The following GRIP1 variants were observed in gnomAD, a reference collection of about 807,000 sequenced individuals.
GRIP1 encodes the protein glutamate receptor interacting protein 1.
In GRIP1, 45 loss-of-function variants were observed where a neutral mutation model predicts 129.9. That is an observed-to-expected ratio of 0.35 (90% confidence interval 0.27 to 0.44). The LOEUF is 0.44. Among genes scored for constraint, GRIP1 ranks in the 20% least tolerant of loss-of-function variants. The pLI, the probability that GRIP1 is intolerant of heterozygous loss-of-function variation, is 1.00. For missense variants in GRIP1, 1,196 were observed against 1,396.8 expected, an observed-to-expected ratio of 0.86 and a Z score of 2.29; for synonymous variants, 530 against 520.8, an observed-to-expected ratio of 1.02 and a Z score of -0.24.
chr12:66,638,281 A>T, intron 1 of GRIP1, among the ~76,000 whole-genome samples: 1 of 152,204 alleles, frequency 6.6e-6, no homozygotes, highest in East Asian at 1.9e-4. Flanking sequence ...GGTTCTGATG[A>T]TGTTACATAT....
At chr12:66,472,808 T>C (rs2059478191) in intron 7 of GRIP1, among the ~76,000 whole-genome samples, 1 of 152,204 alleles carries the variant, frequency 6.6e-6, no homozygotes, top group Non-Finnish European at 1.5e-5. Context: ...TACTACGCTT[T>C]TCCCATGGTC....
At position 66,657,007 on chromosome 12, in the gene GRIP1, CT is replaced by C. The variant is rs1232687103; in HGVS notation, c.55+21842del. Among the ~76,000 whole-genome samples, 3 of 151,932 alleles carry C rather than the reference CT, an allele frequency of 2.0e-5. No homozygotes were observed. In the East Asian group the frequency reaches 5.8e-4, roughly 29 times the overall value. On this transcript the variant is annotated intron_variant, in intron 1 of 24. Coordinates refer to ENST00000359742, the MANE Select transcript of GRIP1 (RefSeq NM_001366722.1). ...CCAGCCATGATTCTTGTGTAATTTA[CT>C]ATCAGCAAATATTTCCAAAAATTGA...
chr12:66,469,335 T>C (rs1391020222), intron 7 of GRIP1, among the ~76,000 whole-genome samples: 3 of 152,172 alleles, frequency 2.0e-5, no homozygotes, highest in Non-Finnish European at 4.4e-5. Flanking sequence ...GTTAACCAAC[T>C]TTATGAAAAT....
At chr12:66,953,699 C>T (rs1476232768) in intron 1 of GRIP1, among the ~76,000 whole-genome samples, 1 of 151,810 alleles carries the variant, frequency 6.6e-6, no homozygotes, top group African/African-American at 2.4e-5. Flanking sequence ...CCTGTTCTCA[C>T]CAGGGATGAC....
intron 24 of GRIP1, among the ~76,000 whole-genome samples, chr12:66,350,138 T>C (rs1053171588): frequency 1.8e-4 from 28 of 152,214 alleles, no homozygotes; most frequent in South Asian, 1.7e-3. Flanking sequence ...TTCGTTTTGA[T>C]CCTTTTACCA....
At chr12:66,478,589 T>A (rs1436278972) in intron 7 of GRIP1, among the ~76,000 whole-genome samples, 1 of 152,172 alleles carries the variant, frequency 6.6e-6, no homozygotes. Flanking sequence ...GTATGTTTAT[T>A]GCGGCAGTAC....
Position 66,487,759 on chromosome 12 carries a change from C to T in GRIP1, c.725-22337G>A, listed in dbSNP as rs140247197. On this transcript the variant is annotated intron_variant, in intron 7 of 24. Transcript: ENST00000359742. Reference sequence around the variant, plus strand: ...GACCCATCTCATGTGCAAAGACACACGTAGACTGAAAATAAAGGGATGGAG... The same window carrying T: ...GACCCATCTCATGTGCAAAGACACATGTAGACTGAAAATAAAGGGATGGAG... Among the ~76,000 whole-genome samples, 14 of 152,112 alleles carry T rather than the reference C, an allele frequency of 9.2e-5. No individual in the cohort carries two copies. In the South Asian group the frequency reaches 2.5e-3, roughly 27 times the overall value.
chr12:67,022,207 GT>G, intron 1 of GRIP1, among the ~76,000 whole-genome samples: 1 of 152,132 alleles, frequency 6.6e-6, no homozygotes. Flanking sequence ...ATATCCAATG[GT>G]GGGGGTTGCT....
chr12:66,615,101 G>C lies in GRIP1; in HGVS notation c.56-18174C>G, dbSNP rs150633576. Among the ~76,000 whole-genome samples the C allele has an allele frequency of 1.6e-4, 24 of 152,208 alleles. No homozygotes were observed. The East Asian group carries it at 4.3e-3, about 27-fold the overall frequency. On this transcript the variant is annotated intron_variant, in intron 1 of 24. Coordinates refer to ENST00000359742, the MANE Select transcript of GRIP1 (RefSeq NM_001366722.1). The stretch of plus-strand genomic sequence containing the variant: ...CCTTACTAGAGTATAAACTCCATAA[G>C]AGCAGGAGTCTTGTATATTGTCTAT...
chr12:67,068,745 G>A (rs981358494), intron 1 of GRIP1, among the ~76,000 whole-genome samples: 1 of 148,932 alleles, frequency 6.7e-6, no homozygotes, highest in African/African-American at 2.5e-5. Context: ...GTGCGAGCGG[G>A]CCCTGCAGAA....
At chr12:66,674,378 T>C (rs1739515271) in intron 1 of GRIP1, among the ~76,000 whole-genome samples, 1 of 152,222 alleles carries the variant, frequency 6.6e-6, no homozygotes, top group South Asian at 2.1e-4. Context: ...TCAGAATTCC[T>C]TGGATTAAAA....
chr12:66,678,958 G>C lies in GRIP1; in HGVS notation c.-54C>G. 6.2e-7 allele frequency: 1 copy of C among 1,612,214 alleles called. No homozygotes were observed. The highest frequency in any genetic ancestry group is 8.5e-7 in the Non-Finnish European group (1 of 1,178,882). ...GTACTCAAGGCTCTCTGCTCTGGTG[G>C]CTGCAGCAGCAGCAGCATATGAATT... is the stretch of plus-strand genomic sequence containing the variant. On this transcript the variant is annotated 5_prime_UTR_variant, in exon 1 of 25. Coordinates refer to ENST00000359742, the MANE Select transcript of GRIP1 (RefSeq NM_001366722.1).
chr12:66,861,312 C>T (rs2040108371), intron 1 of GRIP1, among the ~76,000 whole-genome samples: 1 of 152,124 alleles, frequency 6.6e-6, no homozygotes, highest in African/African-American at 2.4e-5. Context: ...TTTGCAAAGG[C>T]AACTGTCATC....
intron 1 of GRIP1, among the ~76,000 whole-genome samples, chr12:66,730,889 T>G (rs1226990380): frequency 6.6e-6 from 1 of 152,166 alleles, no homozygotes; most frequent in African/African-American, 2.4e-5. Flanking sequence ...CTTTAATGCC[T>G]GAAACTTTAA....
At chr12:66,374,376 T>C (rs2055682951) in intron 22 of GRIP1, among the ~76,000 whole-genome samples, 1 of 151,972 alleles carries the variant, frequency 6.6e-6, no homozygotes, top group South Asian at 2.1e-4. Context: ...TTAGTAGATA[T>C]GAGGTTTCTC....
intron 1 of GRIP1, among the ~76,000 whole-genome samples, chr12:66,603,356 T>C (rs1220537496): frequency 6.6e-6 from 1 of 152,196 alleles, no homozygotes; most frequent in African/African-American, 2.4e-5. Flanking sequence ...TTTAGGCCTG[T>C]GTTATAAGAT....
chr12:66,634,058 G>C (rs1222712951), intron 1 of GRIP1, among the ~76,000 whole-genome samples: 1 of 152,160 alleles, frequency 6.6e-6, no homozygotes, highest in African/African-American at 2.4e-5. Context: ...TGTGTGTTGT[G>C]TTATACTTCA....
chr12:66,988,340 T>C (rs556959108), intron 1 of GRIP1, among the ~76,000 whole-genome samples: 1 of 152,296 alleles, frequency 6.6e-6, no homozygotes, highest in South Asian at 2.1e-4. Context: ...GGCATTCACA[T>C]AGCCTTGTGC....
intron 1 of GRIP1, among the ~76,000 whole-genome samples, chr12:66,900,504 T>C (rs1298186489): frequency 6.6e-6 from 1 of 152,190 alleles, no homozygotes; most frequent in Non-Finnish European, 1.5e-5. Flanking sequence ...AAGTATCTTT[T>C]GCTTAAGCCA....
Sources: allele counts gnomAD v4.1 joint callset (sites outside exome capture counted in the v4.1 genomes callset), GRCh38; gene constraint gnomAD v4.1.1; transcripts MANE v1.5; gene names NCBI Gene and HGNC (gene_info 2026-07-23, HGNC 2026-07-21).